RYR2: variants seen among roughly 807,000 people sequenced by gnomAD.
RYR2 encodes cardiac muscle ryanodine receptor-calcium release channel.
A neutral mutation model predicts 601.1 loss-of-function variants in RYR2; 227 were observed. The ratio of observed to expected loss-of-function variants is 0.38; its 90% CI spans 0.34 to 0.42. The LOEUF is 0.42. Ranked by LOEUF, RYR2 falls within the 10% of genes least tolerant of loss-of-function variation. The pLI is 1.00. For missense variants in RYR2, 4,646 were observed against 6,156.5 expected (o/e 0.75, Z 8.21); for synonymous variants, 2,223 against 2,175.1 (o/e 1.02, Z -0.61).
At position 237,042,268 on chromosome 1, in the gene RYR2, C is replaced by T. The variant is rs980117655; in HGVS notation, c.-254C>T. On this transcript the variant is annotated 5_prime_UTR_variant, in exon 1 of 105. Coordinates refer to ENST00000366574, the MANE Select transcript of RYR2 (RefSeq NM_001035.3). ...GGCTGCGGGGCTGCTTCCCCGCGTCCTCCGGGCCCGGGCCGCCCTCCTCCC... is the reference window on the plus strand; with the variant it reads ...GGCTGCGGGGCTGCTTCCCCGCGTCTTCCGGGCCCGGGCCGCCCTCCTCCC... 2.4e-3 allele frequency: 480 copies of T among 201,838 alleles called. 2 individuals are homozygous for T. Among genetic ancestry groups the T allele is most frequent in the African/African-American group, 8.8e-3 (379 of 42,928 alleles). The allele number at this position is 201,838 out of a possible 1,614,324, so 12.5% of individuals were successfully genotyped here. A position where few individuals can be genotyped will look rare whatever the true frequency, so the allele number is the denominator to read the frequency against.
intron 3 of RYR2, among the ~76,000 whole-genome samples, chr1:237,332,856 T>C (rs1696881999): frequency 6.6e-6 from 1 of 152,212 alleles, no homozygotes; most frequent in South Asian, 2.1e-4. Flanking sequence ...TTAGGATTTA[T>C]GGTTTTTTTG....
At chr1:237,653,112 G>C (rs1682926049) in intron 51 of RYR2, among the ~76,000 whole-genome samples, 2 of 152,188 alleles carry the variant, frequency 1.3e-5, no homozygotes, top group African/African-American at 4.8e-5. Flanking sequence ...GCTTGTCCTT[G>C]ACCTTCCAGT....
At chr1:237,303,393 G>C (rs569408729) in intron 2 of RYR2, among the ~76,000 whole-genome samples, 1 of 143,140 alleles carries the variant, frequency 7.0e-6, no homozygotes, top group East Asian at 2.1e-4. Context: ...TCTGCCTCTC[G>C]GGTTCAAGTG....
intron 100 of RYR2, among the ~76,000 whole-genome samples, chr1:237,809,658 A>G (rs1661047832): frequency 6.6e-6 from 1 of 152,210 alleles, no homozygotes. Context: ...AAAGAGATGT[A>G]TCCTTCAGTA....
chr1:237,497,021 T>C (rs939770735), intron 20 of RYR2, among the ~76,000 whole-genome samples: 1 of 152,220 alleles, frequency 6.6e-6, no homozygotes, highest in Non-Finnish European at 1.5e-5. Flanking sequence ...AATAAGAGTG[T>C]ATTGCTTAGG....
chr1:237,053,313 A>C (rs1298165618), intron 1 of RYR2, among the ~76,000 whole-genome samples: 1 of 152,260 alleles, frequency 6.6e-6, no homozygotes, highest in Non-Finnish European at 1.5e-5. Flanking sequence ...TTCTTCAGAC[A>C]AATGAAAAGC....
intron 58 of RYR2, among the ~76,000 whole-genome samples, chr1:237,671,841 T>TA (rs1424926323): frequency 2.6e-5 from 4 of 152,134 alleles, no homozygotes; most frequent in African/African-American, 9.7e-5. Context: ...CCCAAATTAG[T>TA]AAAAAATGTT....
At chr1:237,466,916 C>T (rs1660145169) in intron 16 of RYR2, among the ~76,000 whole-genome samples, 1 of 151,640 alleles carries the variant, frequency 6.6e-6, no homozygotes, top group South Asian at 2.1e-4. Context: ...TTCATTCCTG[C>T]TTTTCTTACT....
At chr1:237,188,581 T>C (rs2148987055) in intron 1 of RYR2, among the ~76,000 whole-genome samples, 1 of 152,206 alleles carries the variant, frequency 6.6e-6, no homozygotes, top group East Asian at 1.9e-4. Flanking sequence ...TTTTTCTTTT[T>C]GAGATGGAGT....
At chr1:237,816,061 A>G (rs2149470130) in intron 100 of RYR2, among the ~76,000 whole-genome samples, 1 of 152,264 alleles carries the variant, frequency 6.6e-6, no homozygotes, top group East Asian at 1.9e-4. Context: ...CAGTTCCTCA[A>G]AGAAGCAGGG....
chr1:237,082,650 C>A (rs1286222352), intron 1 of RYR2, among the ~76,000 whole-genome samples: 1 of 150,018 alleles, frequency 6.7e-6, no homozygotes, highest in Non-Finnish European at 1.5e-5. Context: ...TAAGGTTAAC[C>A]CACGAAGCCT....
At position 237,229,597 on chromosome 1, in the gene RYR2, G is replaced by A. The variant is rs116768582; in HGVS notation, c.49-40900G>A. 2.5e-3 allele frequency among the ~76,000 whole-genome samples: 376 copies of A among 152,274 alleles called. 1 individual carries two copies. Among genetic ancestry groups the A allele is most frequent in the African/African-American group, 8.5e-3 (354 of 41,550 alleles). Reference sequence around the variant, plus strand: ...AAGCTGGAAGGCTGTAAACATCCCCGAGTTCCTGTTGGGACATTGAGTTCA... The same window carrying A: ...AAGCTGGAAGGCTGTAAACATCCCCAAGTTCCTGTTGGGACATTGAGTTCA... On this transcript the variant is annotated intron_variant, in intron 1 of 104. Coordinates refer to ENST00000366574, the MANE Select transcript of RYR2 (RefSeq NM_001035.3).
Position 237,759,753 on chromosome 1 carries a change from C to T in RYR2, c.11326-23C>T, listed in dbSNP as rs2253831. 1,036,684 of 1,483,426 alleles carry T rather than the reference C, an allele frequency of 0.7. 363,590 individuals carry two copies. Among genetic ancestry groups the T allele is most frequent in the African/African-American group, 0.79 (57,425 of 72,240 alleles). 91.9% of individuals were successfully genotyped at this position (1,483,426 alleles called of 1,614,324 possible). ...CAATAAGATTTTTGTTCAGTGGCCA[C>T]GTGGTTTCTATAATTCCCATAGAAA... On this transcript the variant is annotated intron_variant, in intron 82 of 104. Coordinates refer to ENST00000366574, the MANE Select transcript of RYR2 (RefSeq NM_001035.3).
rs376620089 is a variant in RYR2, at chr1:237,309,083, G to C, written c.169-21795G>C. On this transcript the variant is annotated intron_variant, in intron 2 of 104. Transcript: ENST00000366574. ...GTTTACAAACCTTGAGCTAGACACA[G>C]AGTGCTGATTGGTGTATTTACAATC... Among the ~76,000 whole-genome samples, 6 of 149,568 alleles carry C rather than the reference G, an allele frequency of 4.0e-5. No individual in the cohort carries two copies. The East Asian group carries it at 1.2e-3, about 30-fold the overall frequency.
intron 11 of RYR2, among the ~76,000 whole-genome samples, chr1:237,422,603 C>T (rs930087145): frequency 1.3e-4 from 20 of 152,072 alleles, no homozygotes; most frequent in African/African-American, 4.8e-4. Context: ...CTATAGACTT[C>T]AGTTTATATA....
intron 41 of RYR2, among the ~76,000 whole-genome samples, chr1:237,629,472 C>A (rs963907689): frequency 6.6e-5 from 10 of 150,682 alleles, no homozygotes; most frequent in African/African-American, 2.2e-4. Flanking sequence ...AGAACAATAC[C>A]TAAACATAAA....
intron 10 of RYR2, among the ~76,000 whole-genome samples, chr1:237,413,971 A>G (rs1317849384): frequency 6.6e-6 from 1 of 152,014 alleles, no homozygotes; most frequent in Non-Finnish European, 1.5e-5. Flanking sequence ...TTGACCCATG[A>G]ATTATTTAGA....
intron 2 of RYR2, among the ~76,000 whole-genome samples, chr1:237,275,069 G>C (rs143720121): frequency 6.6e-6 from 1 of 151,292 alleles, no homozygotes; most frequent in Non-Finnish European, 1.5e-5. Flanking sequence ...TCATCCATGG[G>C]TGATGCACAC....
At chr1:237,778,030 G>C (rs1694800167) in intron 87 of RYR2, among the ~76,000 whole-genome samples, 2 of 152,100 alleles carry the variant, frequency 1.3e-5, no homozygotes, top group South Asian at 4.1e-4. Flanking sequence ...TCTTAGGGAG[G>C]AACGCAAGAC....
Sources: gnomAD v4.1 joint callset for allele counts (sites outside exome capture counted in the v4.1 genomes callset) on GRCh38, gnomAD v4.1.1 for gene constraint, MANE v1.5 for transcripts, NCBI Gene and HGNC (gene_info 2026-07-23, HGNC 2026-07-21) for gene names.